STIP1: variants seen among roughly 807,000 people sequenced by gnomAD.
STIP1 encodes stress induced phosphoprotein 1.
A neutral mutation model predicts 77.4 loss-of-function variants in STIP1; 16 were observed. The observed-to-expected ratio is 0.21, with a 90% CI of 0.14 to 0.31. The LOEUF (loss-of-function observed/expected upper bound fraction) is 0.31. Ranked by LOEUF, STIP1 falls within the 10% of genes least tolerant of loss-of-function variation. The probability of loss-of-function intolerance (pLI) is 1.00; values close to 1 mark genes in which losing one functional copy is unlikely to be tolerated. For missense variants in STIP1, 524 were observed against 684.8 expected (o/e 0.77, Z 2.62); for synonymous variants, 258 against 246.6 (o/e 1.05, Z -0.44).
At chr11:64,201,215 T>C (rs368156918) in intron 10 of STIP1, among the ~76,000 whole-genome samples, 1 of 152,096 alleles carries the variant, frequency 6.6e-6, no homozygotes, top group Non-Finnish European at 1.5e-5. Context: ...AATTTTTGTA[T>C]TTTTTATAGA....
chr11:64,190,444 G>C (rs915832629), intron 1 of STIP1, among the ~76,000 whole-genome samples: 1 of 152,038 alleles, frequency 6.6e-6, no homozygotes, highest in African/African-American at 2.4e-5. Context: ...AAAGTGCTGG[G>C]ATTACAGGCG....
intron 5 of STIP1, among the ~76,000 whole-genome samples, chr11:64,196,085 A>G (rs1242928297): frequency 2.0e-5 from 3 of 152,108 alleles, no homozygotes; most frequent in Non-Finnish European, 4.4e-5. Context: ...ATTCATTAGA[A>G]TGGCCAGCAT....
At chr11:64,189,044 G>A (rs1483955185) in intron 1 of STIP1, among the ~76,000 whole-genome samples, 3 of 152,134 alleles carry the variant, frequency 2.0e-5, no homozygotes, top group Non-Finnish European at 2.9e-5. Flanking sequence ...GTGAAACCCC[G>A]TCTCTAGTAA....
chr11:64,185,363 C>G (rs549161106), upstream of STIP1: 365 of 174,808 alleles, frequency 2.1e-3, no homozygotes, highest in Non-Finnish European at 3.2e-3. Flanking sequence ...ACAGCCGGGC[C>G]CGCCGCGGTG....
At chr11:64,189,369 A>T (rs981578001) in intron 1 of STIP1, among the ~76,000 whole-genome samples, 4 of 152,122 alleles carry the variant, frequency 2.6e-5, no homozygotes, top group African/African-American at 9.7e-5. Flanking sequence ...AAAAAAAAAA[A>T]ATAAATAAAT....
chr11:64,201,733 T>C (rs1237368182), intron 10 of STIP1, among the ~76,000 whole-genome samples: 1 of 152,216 alleles, frequency 6.6e-6, no homozygotes, highest in Non-Finnish European at 1.5e-5. Flanking sequence ...CATATTGATT[T>C]GTGAGGCAAA....
chr11:64,185,868 C>T (rs776865204), upstream of STIP1: 225 of 1,536,036 alleles, frequency 1.5e-4, 1 homozygote, highest in Non-Finnish European at 1.9e-4. Flanking sequence ...ATTTCCAGAA[C>T]GATCAGAACC....
upstream of STIP1, chr11:64,185,613 C>T: frequency 3.2e-6 from 2 of 620,094 alleles, no homozygotes; most frequent in Non-Finnish European, 5.5e-6. Context: ...GCCTGGAACT[C>T]GCGGCACTCG....
chr11:64,204,295 G>A lies in STIP1; in HGVS notation c.*169G>A, dbSNP rs1002658313. On this transcript the variant is annotated 3_prime_UTR_variant, in exon 14 of 14. Coordinates refer to ENST00000305218, the MANE Select transcript of STIP1 (RefSeq NM_006819.3). Reference sequence around the variant, plus strand: ...GACTCGTACCTGCGCTGTTTGTGCCGCCGCTGCCTCTGGGCCCTCCCAGCA... The same window carrying A: ...GACTCGTACCTGCGCTGTTTGTGCCACCGCTGCCTCTGGGCCCTCCCAGCA... 8 of 660,322 alleles carry A rather than the reference G, an allele frequency of 1.2e-5. No individual in the cohort carries two copies. Among genetic ancestry groups the A allele is most frequent in the African/African-American group, 3.7e-5 (2 of 54,556 alleles). 40.9% of individuals were successfully genotyped at this position (660,322 alleles called of 1,614,324 possible).
chr11:64,200,998 A>G (rs938881407), intron 10 of STIP1, among the ~76,000 whole-genome samples: 2 of 148,732 alleles, frequency 1.3e-5, no homozygotes, highest in African/African-American at 5.0e-5. Flanking sequence ...AAGTGCTAGG[A>G]TTACAAGCGT....
At position 64,186,181 on chromosome 11, in the gene STIP1, A is replaced by G; in HGVS notation, c.-81A>G. The G allele has an allele frequency of 1.3e-6, 2 of 1,550,254 alleles. No homozygotes were observed. The highest frequency in any genetic ancestry group is 1.7e-4 in the Middle Eastern group (1 of 5,980). On this transcript the variant is annotated 5_prime_UTR_variant, in exon 1 of 14. Transcript: ENST00000305218. Reference sequence around the variant, plus strand: ...AGCCGGGGTCCCGGTAGCTTCTAGTAGGTTCCAGAAGGCGGCGCGTGCGGT... The same window carrying G: ...AGCCGGGGTCCCGGTAGCTTCTAGTGGGTTCCAGAAGGCGGCGCGTGCGGT...
At chr11:64,201,203 C>CA (rs1946216630) in intron 10 of STIP1, among the ~76,000 whole-genome samples, 1 of 152,072 alleles carries the variant, frequency 6.6e-6, no homozygotes, top group Non-Finnish European at 1.5e-5. Flanking sequence ...CTGTACCCAG[C>CA]TAATTTTTGT....
At chr11:64,189,491 C>T (rs549578855) in intron 1 of STIP1, among the ~76,000 whole-genome samples, 255 of 152,196 alleles carry the variant, frequency 1.7e-3, no homozygotes, top group African/African-American at 6.0e-3. Flanking sequence ...TGCGCCACTG[C>T]CCTCCAGCCT....
chr11:64,198,365 A>G (rs990184079), intron 8 of STIP1, among the ~76,000 whole-genome samples: 11 of 152,140 alleles, frequency 7.2e-5, no homozygotes, highest in African/African-American at 2.4e-4. Context: ...GGTGCACGCC[A>G]CTATGCCCGG....
intron 1 of STIP1, 51 bp from the exon 2 acceptor site, chr11:64,193,027 T>C (rs1946110064): frequency 6.4e-7 from 1 of 1,563,194 alleles, no homozygotes. Flanking sequence ...CTTTAAAGCT[T>C]GGGATTAAAT....
At chr11:64,186,365 GAGACCGGAGCTCGGCGCT>G in intron 1 of STIP1, 95 bp downstream of exon 1, 1 of 1,228,972 alleles carries the variant, frequency 8.1e-7, no homozygotes. Context: ...CCGGATCCAG[GAGACCGGAGCTCGGCGCT>G]GGGGCCGGAC....
At chr11:64,188,755 A>G (rs559642461) in intron 1 of STIP1, among the ~76,000 whole-genome samples, 29 of 152,210 alleles carry the variant, frequency 1.9e-4, no homozygotes, top group Non-Finnish European at 4.0e-4. Flanking sequence ...TGGTGAATGA[A>G]TATTTGACTT....
chr11:64,201,436 C>T (rs1946218815), intron 10 of STIP1, among the ~76,000 whole-genome samples: 2 of 152,202 alleles, frequency 1.3e-5, no homozygotes, highest in Admixed American at 6.5e-5. Flanking sequence ...GTCTGCTGTT[C>T]TCAGTCATAT....
At chr11:64,198,686 A>G (rs941968219) in intron 8 of STIP1, among the ~76,000 whole-genome samples, 2 of 150,592 alleles carry the variant, frequency 1.3e-5, no homozygotes, top group African/African-American at 4.9e-5. Context: ...TGGTCATCTT[A>G]CATGATTCTT....
Sources: allele counts gnomAD v4.1 joint callset (sites outside exome capture counted in the v4.1 genomes callset), GRCh38; gene constraint gnomAD v4.1.1; transcripts MANE v1.5; gene names NCBI Gene and HGNC (gene_info 2026-07-23, HGNC 2026-07-21).